The following ARID4B variants were observed in gnomAD, a reference collection of about 807,000 sequenced individuals.
ARID4B encodes AT-rich interaction domain 4B.
Under a neutral mutation model 147.5 loss-of-function variants are expected in ARID4B, and 26 were observed. That is an observed-to-expected ratio of 0.18 (90% CI 0.13 to 0.24). The LOEUF (loss-of-function observed/expected upper bound fraction) is 0.24. ARID4B is among the 10% of genes least tolerant of loss of function. The probability of loss-of-function intolerance (pLI) is 1.00; values close to 1 mark genes in which losing one functional copy is unlikely to be tolerated. For synonymous variants in ARID4B, 512 were observed against 507.9 expected (o/e 1.01, Z -0.11); for missense variants, 1,179 against 1,511.5 (o/e 0.78, Z 3.65).
intron 2 of ARID4B, among the ~76,000 whole-genome samples, chr1:235,309,315 CCGGCAGCCGCCCCA>C (rs1673841129): frequency 6.8e-6 from 1 of 146,034 alleles, no homozygotes; most frequent in South Asian, 2.3e-4. Flanking sequence ...GCCCCTCCGC[CCGGCAGCCGCCCCA>C]TCTGAGAAGT....
intron 2 of ARID4B, among the ~76,000 whole-genome samples, chr1:235,304,829 A>T (rs1490363488): frequency 1.3e-5 from 2 of 152,220 alleles, no homozygotes; most frequent in Non-Finnish European, 2.9e-5. Context: ...TGTCTGTATT[A>T]GTACGTAATT....
chr1:235,294,311 A>ATTTTTTTTTTTTTTTTTTTTTTTTT (rs5781824), intron 2 of ARID4B, among the ~76,000 whole-genome samples: 1 of 114,106 alleles, frequency 8.8e-6, no homozygotes, highest in Admixed American at 1.0e-4. Context: ...AACCAGCAGC[A>ATTTTTTTTTTTTTTTTTTTTTTTTT]TTTTTTTTTT....
chr1:235,173,756 AAAAAAAAAAAAAAAAAT>A (rs1290171519), intron 22 of ARID4B, among the ~76,000 whole-genome samples: 1 of 44,672 alleles, frequency 2.2e-5, no homozygotes, highest in Non-Finnish European at 3.7e-5. Flanking sequence ...AAAAAAAAAA[AAAAAAAAAAAAAAAAAT>A]ATATATATAT....
intron 16 of ARID4B, among the ~76,000 whole-genome samples, chr1:235,215,909 T>TA (rs1034145048): frequency 1.7e-4 from 25 of 148,212 alleles, no homozygotes; most frequent in South Asian, 2.1e-4. Context: ...ATATTTATAT[T>TA]AAAAAAAAAA....
At chr1:235,255,263 A>ACAGATCTATCTATC (rs1669893879) in intron 5 of ARID4B, among the ~76,000 whole-genome samples, 3 of 90,832 alleles carry the variant, frequency 3.3e-5, no homozygotes, top group African/African-American at 1.2e-4. Flanking sequence ...AGATAGATAG[A>ACAGATCTATCTATC]TATATATCTC....
At chr1:235,325,043 C>T (rs1382090678) in intron 2 of ARID4B, among the ~76,000 whole-genome samples, 1 of 152,162 alleles carries the variant, frequency 6.6e-6, no homozygotes, top group South Asian at 2.1e-4. Flanking sequence ...TTACAAGAAG[C>T]TTCTCATCTT....
At position 235,241,470 on chromosome 1, in the gene ARID4B, G is replaced by A. The variant is rs111565673; in HGVS notation, c.447-1019C>T. Among the ~76,000 whole-genome samples the A allele has an allele frequency of 1.5e-3, 224 of 152,086 alleles. 1 individual carries two copies. Among genetic ancestry groups the A allele is most frequent in the African/African-American group, 5.2e-3 (217 of 41,470 alleles). On this transcript the variant is annotated intron_variant, in intron 7 of 23. Coordinates refer to ENST00000264183, the MANE Select transcript of ARID4B (RefSeq NM_016374.6). ...TTTCCAAAAGTATGACAAAGTAACC[G>A]TCATGCCTTTATATTTATATATTCC...
chr1:235,327,007 G>A, intron 1 of ARID4B, 39 bp from the exon 2 acceptor site: 2 of 1,398,844 alleles, frequency 1.4e-6, no homozygotes, highest in Non-Finnish European at 1.0e-6. Context: ...AACACCACAG[G>A]AGCCCCTCTG....
chr1:235,257,884 G>A (rs544275083), intron 3 of ARID4B, among the ~76,000 whole-genome samples: 1 of 152,194 alleles, frequency 6.6e-6, no homozygotes, highest in East Asian at 1.9e-4. Flanking sequence ...TAGGCTATTA[G>A]GTATTATATC....
chr1:235,286,060 G>GTTTTGTTTTTT (rs145854651), intron 2 of ARID4B, among the ~76,000 whole-genome samples: 2 of 151,374 alleles, frequency 1.3e-5, no homozygotes, highest in African/African-American at 4.9e-5. Context: ...GTTTTGTTTT[G>GTTTTGTTTTTT]TTTTGAGATA....
chr1:235,206,596 A>G (rs1666320525), intron 17 of ARID4B, among the ~76,000 whole-genome samples: 1 of 152,178 alleles, frequency 6.6e-6, no homozygotes, highest in Admixed American at 6.5e-5. Flanking sequence ...AAGGAAGAAA[A>G]GGAAAATAAA....
intron 19 of ARID4B, among the ~76,000 whole-genome samples, chr1:235,185,536 T>G (rs1664615113): frequency 6.6e-6 from 1 of 152,220 alleles, no homozygotes; most frequent in East Asian, 1.9e-4. Flanking sequence ...ACTGCTTTCT[T>G]TTGAGCTAGG....
At position 235,194,047 on chromosome 1, in the gene ARID4B, G is replaced by A; in HGVS notation, c.2091C>T (p.Ser697=). The A allele has an allele frequency of 6.2e-7, 1 of 1,611,076 alleles. No individual in the cohort carries two copies. The highest frequency in any genetic ancestry group is 2.2e-5 in the East Asian group (1 of 44,834). ...CATTAAGGATCGAAGTAATTTCTAT[G>A]GACTTAATATGAGCAGTATCAGAGT... ...AKNSDTAHIK[S]IEITSILNGL... Residue 697 remains serine, a synonymous_variant, in exon 19 of 24, where the codon TCC becomes TCT. Transcript: ENST00000264183.
intron 8 of ARID4B, among the ~76,000 whole-genome samples, chr1:235,236,367 T>C (rs1273383495): frequency 6.6e-6 from 1 of 152,086 alleles, no homozygotes; most frequent in African/African-American, 2.4e-5. Flanking sequence ...TAAAAATCCT[T>C]AGATTTTTCA....
chr1:235,219,801 T>C lies in ARID4B; in HGVS notation c.1575A>G (p.Ala525=). 1 of 1,596,848 alleles carries C rather than the reference T, an allele frequency of 6.3e-7. No individual in the cohort carries two copies. The highest frequency in any genetic ancestry group is 8.5e-7 in the Non-Finnish European group (1 of 1,175,752). Residue 525 remains alanine, a synonymous_variant, in exon 16 of 24, where the codon GCA becomes GCG. Transcript: ENST00000264183. ...NIKVEAEEEK[A]KSGDETNKEE... is the part of the protein sequence containing the mutation. Reference sequence around the variant, plus strand: ...AAAAACAATTTTCTTACCCAGATTTTGCTTTTTCTTCCTCAGCTTCTACCT... The same window carrying C: ...AAAAACAATTTTCTTACCCAGATTTCGCTTTTTCTTCCTCAGCTTCTACCT...
chr1:235,256,173 C>CAAAA (rs58486379), intron 4 of ARID4B, among the ~76,000 whole-genome samples: 1 of 92,510 alleles, frequency 1.1e-5, no homozygotes, highest in Non-Finnish European at 2.1e-5. Context: ...GACTCTGCCT[C>CAAAA]AAAAAAAAAA....
At chr1:235,217,514 G>A (rs997802120) in intron 16 of ARID4B, among the ~76,000 whole-genome samples, 1 of 151,956 alleles carries the variant, frequency 6.6e-6, no homozygotes, top group Non-Finnish European at 1.5e-5. Context: ...CTTGGGAAAC[G>A]AAATGTATCA....
rs1558175468 is a variant in ARID4B at position 235,181,943 on chromosome 1, G to A, written c.2976C>T (p.Val992=). 6.2e-7 allele frequency: 1 copy of A among 1,613,868 alleles called. No individual in the cohort carries two copies. Among genetic ancestry groups the A allele is most frequent in the African/African-American group, 1.3e-5 (1 of 74,926 alleles). The change falls in exon 20 of 24, where the codon GTC becomes GTT. Residue 992 remains valine, a synonymous_variant. Transcript: ENST00000264183. ...VELEKPPPVN[V]DSKPIEEKTV... ...TTTTTTCTTCAATGGGTTTACTATCGACATTGACTGGAGGTGGTTTTTCTA... is the reference window on the plus strand; with the variant it reads ...TTTTTTCTTCAATGGGTTTACTATCAACATTGACTGGAGGTGGTTTTTCTA...
At chr1:235,307,252 T>TG (rs374347082) in intron 2 of ARID4B, among the ~76,000 whole-genome samples, 191 of 152,210 alleles carry the variant, frequency 1.3e-3, no homozygotes, top group African/African-American at 4.4e-3. Context: ...AAGACCAACC[T>TG]GGGAAACACA....
Sources: allele counts gnomAD v4.1 joint callset (sites outside exome capture counted in the v4.1 genomes callset), GRCh38; gene constraint gnomAD v4.1.1; transcripts MANE v1.5; gene names NCBI Gene and HGNC (gene_info 2026-07-23, HGNC 2026-07-21).